The following UGT2A3 variants were observed in gnomAD, a reference collection of about 807,000 sequenced individuals.
The protein encoded by UGT2A3 is UDP glucuronosyltransferase family 2 member A3, also known as UDP-glucuronosyltransferase 2A3.
UGT2A3 carries 55 observed loss-of-function variants against 44.1 expected under a neutral mutation model. That is an observed-to-expected ratio of 1.25 (90% CI 1.00 to 1.56). The LOEUF (loss-of-function observed/expected upper bound fraction) is 1.56, where lower values mean the gene tolerates loss of function less well. UGT2A3 is among the 40% of genes most tolerant of loss of function. UGT2A3 has a pLI of 0.00. For missense variants in UGT2A3, 733 were observed against 621.6 expected (o/e 1.18, Z -1.91); for synonymous variants, 243 against 215.1 (o/e 1.13, Z -1.13).
At chr4:68,933,553 T>C (rs1332996810) in intron 2 of UGT2A3, among the ~76,000 whole-genome samples, 1 of 152,046 alleles carries the variant, frequency 6.6e-6, no homozygotes, top group Non-Finnish European at 1.5e-5. Flanking sequence ...AGATGCTTTG[T>C]GGTCCTATCA....
intron 3 of UGT2A3, 30 bp from the exon 4 acceptor site, chr4:68,931,272 G>T: frequency 2.6e-6 from 4 of 1,525,512 alleles, no homozygotes; most frequent in Non-Finnish European, 3.6e-6. Flanking sequence ...ATTTCACAGA[G>T]TGAACCACAG....
chr4:68,948,671 G>A (rs1331537960), intron 1 of UGT2A3, among the ~76,000 whole-genome samples: 1 of 151,480 alleles, frequency 6.6e-6, no homozygotes, highest in African/African-American at 2.4e-5. Context: ...CACTGATAAT[G>A]GTTATTTGTT....
At chr4:68,950,985 G>T in intron 1 of UGT2A3, 61 bp downstream of exon 1, 1 of 1,228,776 alleles carries the variant, frequency 8.1e-7, no homozygotes, top group Non-Finnish European at 1.1e-6. Context: ...GACAATGTAT[G>T]ACAATTTTTA....
chr4:68,951,470 G>C lies in UGT2A3; in HGVS notation c.291C>G (p.Val97=), dbSNP rs376247321. ...ATTGCCAGGTTGATAAGCCTGGCAA[G>C]ACATTCAGAGCTAGGTCAACAAATA... is the stretch of plus-strand genomic sequence containing the variant. ...NEIFVDLALN[V]LPGLSTWQSV... is the part of the protein sequence containing the mutation. The change falls in exon 1 of 6, where the codon GTC becomes GTG. Residue 97 remains valine (V), a synonymous_variant. Coordinates refer to ENST00000251566, the MANE Select transcript of UGT2A3 (RefSeq NM_024743.4). The C allele has an allele frequency of 6.2e-7, 1 of 1,612,406 alleles. No homozygotes were observed. The highest frequency in any genetic ancestry group is 1.3e-5 in the African/African-American group (1 of 74,790).
In UGT2A3 at chr4:68,929,978, G is replaced by T; in HGVS notation, c.1419C>A (p.His473Gln). The change falls in exon 6 of 6, where the codon CAC becomes CAA. Residue 473 changes from histidine to glutamine, a missense_variant. Transcript: ENST00000251566. ...EFVMRHKGAKHLRSAAHDLTW... is the reference protein window; with the variant it reads ...EFVMRHKGAKQLRSAAHDLTW... ...TGAGGTCATGGGCAGCTGATCGCAG[G>T]TGCTTGGCTCCTTTGTGGCGCATGA... 6.2e-7 allele frequency: 1 copy of T among 1,613,650 alleles called. No individual in the cohort carries two copies. The highest frequency in any genetic ancestry group is 8.5e-7 in the Non-Finnish European group (1 of 1,179,668).
At chr4:68,946,951 A>G (rs1180575257) in intron 1 of UGT2A3, among the ~76,000 whole-genome samples, 1 of 151,760 alleles carries the variant, frequency 6.6e-6, no homozygotes, top group Admixed American at 6.6e-5. Flanking sequence ...AAGTGCTAAT[A>G]ATAAGCTGAG....
chr4:68,938,678 A>G (rs1316801877), intron 2 of UGT2A3, among the ~76,000 whole-genome samples: 1 of 152,172 alleles, frequency 6.6e-6, no homozygotes, highest in Non-Finnish European at 1.5e-5. Context: ...CTCCTATTCA[A>G]CACAGCATTG....
chr4:68,937,219 T>C (rs1016884134), intron 2 of UGT2A3, among the ~76,000 whole-genome samples: 3 of 152,128 alleles, frequency 2.0e-5, no homozygotes, highest in Non-Finnish European at 2.9e-5. Flanking sequence ...GCAGACCTAG[T>C]AGACATTTAC....
intron 2 of UGT2A3, among the ~76,000 whole-genome samples, 168 bp downstream of exon 2, chr4:68,945,138 G>A (rs555568919): frequency 6.1e-4 from 92 of 151,536 alleles, no homozygotes; most frequent in East Asian, 2.0e-3. Context: ...ATATAATACC[G>A]AAAAGACATA....
chr4:68,951,350 C>T lies in UGT2A3; in HGVS notation c.411G>A (p.Lys137=), dbSNP rs769831819. The change falls in exon 1 of 6, where the codon AAG becomes AAA. Residue 137 remains lysine (K), a synonymous_variant. Transcript: ENST00000251566. ...SFIYNQTLMK[K]LQETNYDVML... is the part of the protein sequence containing the mutation. The stretch of plus-strand genomic sequence containing the variant: ...TTACATCGTAGTTGGTTTCCTGTAG[C>T]TTCTTCATAAGCGTCTGATTGTAGA... The T allele has an allele frequency of 3.1e-6, 5 of 1,612,698 alleles. No individual in the cohort carries two copies. The highest frequency in any genetic ancestry group is 1.7e-5 in the Admixed American group (1 of 59,814).
chr4:68,931,340 AGGTGAT>A, intron 3 of UGT2A3, 98 bp from the exon 4 acceptor site: 1 of 966,402 alleles, frequency 1.0e-6, no homozygotes, highest in Non-Finnish European at 1.6e-6. Flanking sequence ...ATTGTACTTC[AGGTGAT>A]GGTTGAGACA....
Position 68,951,386 on chromosome 4 carries a change from A to G in UGT2A3, c.375T>C (p.Cys125=). 1 of 1,612,444 alleles carries G rather than the reference A, an allele frequency of 6.2e-7. No individual in the cohort carries two copies. ...VEIRGTLKMM[C]ESFIYNQTLM... is the part of the protein sequence containing the mutation. ...GCGTCTGATTGTAGATAAAGCTCTC[A>G]CACATCATTTTTAAAGTTCCTCTTA... Residue 125 remains cysteine, a synonymous_variant, in exon 1 of 6, where the codon TGT becomes TGC. Coordinates refer to ENST00000251566, the MANE Select transcript of UGT2A3 (RefSeq NM_024743.4).
chr4:68,950,987 C>A, intron 1 of UGT2A3, 59 bp downstream of exon 1: 1 of 1,258,374 alleles, frequency 7.9e-7, no homozygotes, highest in Admixed American at 2.8e-5. Context: ...CAATGTATGA[C>A]AATTTTTAAA....
rs1420522064 is a variant in UGT2A3 at position 68,929,946 on chromosome 4, A to G, written c.1451T>C (p.Phe484Ser). 1 of 1,613,656 alleles carries G rather than the reference A, an allele frequency of 6.2e-7. No individual in the cohort carries two copies. The highest frequency in any genetic ancestry group is 1.7e-5 in the Admixed American group (1 of 59,960). ...AATCACATCTATAGAGTAGTGCTGG[A>G]ACCAGGTGAGGTCATGGGCAGCTGA... ...LRSAAHDLTW[F>S]QHYSIDVIGF... is the part of the protein sequence containing the mutation. The change falls in exon 6 of 6, where the codon TTC becomes TCC. Residue 484 changes from phenylalanine (F) to serine (S), a missense_variant. Phe to Ser is a radical substitution (Grantham distance 155). Transcript: ENST00000251566.
In UGT2A3 at chr4:68,935,276, GTATATATATATA is replaced by G. The variant is rs57286694; in HGVS notation, c.865-2529_865-2518del. On this transcript the variant is annotated intron_variant, in intron 2 of 5. Coordinates refer to ENST00000251566, the MANE Select transcript of UGT2A3 (RefSeq NM_024743.4). The stretch of plus-strand genomic sequence containing the variant: ...AGGAGGTGTGTATGTATGTATGTAT[GTATATATATATA>G]TATATATATATATATATATATATAT... 1.9e-3 allele frequency among the ~76,000 whole-genome samples: 114 copies of G among 60,138 alleles called. 5 individuals carry two copies. Among genetic ancestry groups the G allele is most frequent in the East Asian group, 0.018 (27 of 1,498 alleles). 39.5% of individuals were successfully genotyped at this position (60,138 alleles called of 152,430 possible). A position where few individuals can be genotyped will look rare whatever the true frequency, so the allele number is the denominator to read the frequency against.
intron 2 of UGT2A3, among the ~76,000 whole-genome samples, chr4:68,935,551 T>G (rs1039484968): frequency 2.6e-5 from 4 of 151,792 alleles, no homozygotes; most frequent in African/African-American, 9.7e-5. Context: ...AAACCCCATC[T>G]GTAGGTCACC....
chr4:68,929,632 T>C lies in UGT2A3; in HGVS notation c.*181A>G, dbSNP rs1482964227. The stretch of plus-strand genomic sequence containing the variant: ...AGTGAGAGAAGAGAGTAAAGACACC[T>C]AGGAAAATACAACGAAAGAATGAGA... On this transcript the variant is annotated 3_prime_UTR_variant, in exon 6 of 6. Coordinates refer to ENST00000251566, the MANE Select transcript of UGT2A3 (RefSeq NM_024743.4). 2 of 548,590 alleles carry C rather than the reference T, an allele frequency of 3.6e-6. No homozygotes were observed. The highest frequency in any genetic ancestry group is 6.3e-6 in the Non-Finnish European group (2 of 317,258). The allele number at this position is 548,590 out of a possible 1,614,324, so 34.0% of individuals were successfully genotyped here. A position where few individuals can be genotyped will look rare whatever the true frequency, so the allele number is the denominator to read the frequency against.
At chr4:68,932,847 G>C in intron 2 of UGT2A3, 88 bp from the exon 3 acceptor site, 1 of 1,292,962 alleles carries the variant, frequency 7.7e-7, no homozygotes, top group Non-Finnish European at 1.1e-6. Flanking sequence ...ATAAATACTT[G>C]AGAAATTATT....
At chr4:68,932,353 G>A (rs1717767896) in intron 3 of UGT2A3, among the ~76,000 whole-genome samples, 1 of 150,132 alleles carries the variant, frequency 6.7e-6, no homozygotes, top group Admixed American at 6.6e-5. Flanking sequence ...TGGAATCATT[G>A]GCACACGCTT....
Sources: gnomAD v4.1 joint callset for allele counts (sites outside exome capture counted in the v4.1 genomes callset) on GRCh38, gnomAD v4.1.1 for gene constraint, MANE v1.5 for transcripts, NCBI Gene and HGNC (gene_info 2026-07-23, HGNC 2026-07-21) for gene names.